SCIN: variants seen among roughly 807,000 people sequenced by gnomAD.
SCIN encodes scinderin.
Under a neutral mutation model 91.8 loss-of-function variants are expected in SCIN, and 91 were observed. The observed-to-expected ratio is 0.99, with a 90% confidence interval of 0.84 to 1.18. The LOEUF is 1.18. Among genes scored for constraint, SCIN ranks in the 50% most tolerant of loss-of-function variants. The pLI is 0.00. For synonymous variants in SCIN, 367 were observed against 312.6 expected, an observed-to-expected ratio of 1.17 and a Z score of -1.84; for missense variants, 1,087 against 863.9, an observed-to-expected ratio of 1.26 and a Z score of -3.24.
intron 4 of SCIN, among the ~76,000 whole-genome samples, chr7:12,618,683 T>C (rs1182080553): frequency 2.0e-5 from 3 of 152,138 alleles, no homozygotes; most frequent in Non-Finnish European, 2.9e-5. Flanking sequence ...TAAAATGCCT[T>C]GCAGCAAGTA....
chr7:12,604,449 A>G, intron 3 of SCIN, 65 bp from the exon 4 acceptor site: 1 of 1,422,038 alleles, frequency 7.0e-7, no homozygotes, highest in Non-Finnish European at 9.7e-7. Flanking sequence ...AATCACAAGT[A>G]TTACACTGAG....
At chr7:12,638,657 C>T (rs2115290934) in intron 10 of SCIN, among the ~76,000 whole-genome samples, 1 of 152,286 alleles carries the variant, frequency 6.6e-6, no homozygotes, top group South Asian at 2.1e-4. Flanking sequence ...TTAGACACTT[C>T]AGAACATAAA....
Position 12,652,667 on chromosome 7 carries a change from AC to A in SCIN, c.2103del (p.Thr702HisfsTer50), listed in dbSNP as rs769788695. Reference sequence around the variant, plus strand: ...TCATCATAAAACAGGGCCATGAGCCACCCACATTCACAGGCTGGTTCCTGGG... The same window carrying A: ...TCATCATAAAACAGGGCCATGAGCCACCACATTCACAGGCTGGTTCCTGGG... ...IVIIKQGHEP[P>X]TFTGWFLGWD... On this transcript the variant is annotated frameshift_variant, in exon 16 of 16. Coordinates refer to ENST00000297029, the MANE Select transcript of SCIN (RefSeq NM_001112706.3). LOFTEE classifies it high-confidence loss of function. The A allele has an allele frequency of 3.2e-5, 52 of 1,607,796 alleles. No homozygotes were observed. The Middle Eastern group carries it at 1.2e-3, about 36-fold the overall frequency.
chr7:12,577,726 C>T lies in SCIN; in HGVS notation c.200-338C>T, dbSNP rs184832863. The stretch of plus-strand genomic sequence containing the variant: ...TGAGAATTAGCAAAGCATGGTGGCA[C>T]GCACCTGTAGTCCAAGCTGCTTGTG... On this transcript the variant is annotated intron_variant, in intron 1 of 15. Transcript: ENST00000297029. 79 of 408,470 alleles carry T rather than the reference C, an allele frequency of 1.9e-4. 1 individual carries two copies. The East Asian group carries it at 4.0e-3, about 21-fold the overall frequency. 25.3% of individuals were successfully genotyped at this position (408,470 alleles called of 1,614,324 possible).
chr7:12,629,515 G>T (rs537076196), intron 9 of SCIN, among the ~76,000 whole-genome samples: 3 of 152,204 alleles, frequency 2.0e-5, no homozygotes, highest in South Asian at 2.1e-4. Context: ...CATCTTGTAT[G>T]CAGGTTAACA....
intron 1 of SCIN, among the ~76,000 whole-genome samples, chr7:12,574,603 T>A (rs1782332411): frequency 6.6e-6 from 1 of 152,136 alleles, no homozygotes; most frequent in South Asian, 2.1e-4. Context: ...CTGGTTGTGG[T>A]GTTCAGTGCT....
chr7:12,598,610 C>T (rs141314730), intron 3 of SCIN, among the ~76,000 whole-genome samples: 83 of 152,202 alleles, frequency 5.5e-4, no homozygotes, highest in African/African-American at 2.0e-3. Context: ...ACAGTGTTAT[C>T]GGCCTGGCAC....
chr7:12,622,952 C>T, intron 5 of SCIN, 59 bp downstream of exon 5: 1 of 1,255,470 alleles, frequency 8.0e-7, no homozygotes, highest in South Asian at 1.3e-5. Flanking sequence ...CTAGGGAGGC[C>T]TGTATTGGGC....
In SCIN at chr7:12,640,438, A is replaced by C. The variant is rs1303324098; in HGVS notation, c.1502A>C (p.Lys501Thr). Residue 501 changes from lysine to threonine, a missense_variant, in exon 11 of 16, where the codon AAA becomes ACA. Transcript: ENST00000297029. ...ATTTACAAGAATGGAACATCAAAGAAAGGAGGTCAGGCACCTGCTCCCCCT... is the reference window on the plus strand; with the variant it reads ...ATTTACAAGAATGGAACATCAAAGACAGGAGGTCAGGCACCTGCTCCCCCT... Reference protein sequence around the residue: ...LIIYKNGTSKKGGQAPAPPTR... With the variant: ...LIIYKNGTSKTGGQAPAPPTR... The C allele has an allele frequency of 6.2e-7, 1 of 1,613,246 alleles. No homozygotes were observed.
chr7:12,598,396 G>C lies in SCIN; in HGVS notation c.517-6118G>C, dbSNP rs148691075. On this transcript the variant is annotated intron_variant, in intron 3 of 15. Coordinates refer to ENST00000297029, the MANE Select transcript of SCIN (RefSeq NM_001112706.3). ...ACTACCTCTGAATAGAGTAAGTGTTGGGCCGCACAGTTTATTAATAAAACT... is the reference window on the plus strand; with the variant it reads ...ACTACCTCTGAATAGAGTAAGTGTTCGGCCGCACAGTTTATTAATAAAACT... 3.2e-4 allele frequency among the ~76,000 whole-genome samples: 48 copies of C among 152,056 alleles called. No individual in the cohort carries two copies. The East Asian group carries it at 8.9e-3, about 28-fold the overall frequency.
rs749365685 is a variant in SCIN, at chr7:12,625,867, A to C, written c.981+17A>C. On this transcript the variant is annotated intron_variant, in intron 7 of 15. Transcript: ENST00000297029. ...AATACCCAAGTATGTGTGAAACTGA[A>C]CTGGCTAGAAAAAAATAGAAAACAT... 1.9e-6 allele frequency: 3 copies of C among 1,558,264 alleles called. No individual in the cohort carries two copies. In the African/African-American group the frequency reaches 4.1e-5, roughly 21 times the overall value.
intron 4 of SCIN, among the ~76,000 whole-genome samples, chr7:12,614,910 C>G (rs1168466179): frequency 6.6e-6 from 1 of 152,176 alleles, no homozygotes; most frequent in Non-Finnish European, 1.5e-5. Context: ...CAAATGAACT[C>G]TAAGTTAGAT....
At chr7:12,600,017 T>A (rs1782925871) in intron 3 of SCIN, among the ~76,000 whole-genome samples, 1 of 152,190 alleles carries the variant, frequency 6.6e-6, no homozygotes, top group Non-Finnish European at 1.5e-5. Flanking sequence ...TTAGTTTAGT[T>A]AAGTCCTATC....
chr7:12,580,394 A>AT (rs890362875), intron 2 of SCIN, among the ~76,000 whole-genome samples: 1 of 151,856 alleles, frequency 6.6e-6, no homozygotes, highest in South Asian at 2.1e-4. Context: ...ATTTTATTTT[A>AT]TTTTTTTTGT....
chr7:12,636,733 G>A (rs1783760387), intron 10 of SCIN, among the ~76,000 whole-genome samples: 1 of 152,080 alleles, frequency 6.6e-6, no homozygotes, highest in Non-Finnish European at 1.5e-5. Context: ...TAGCTTTGAG[G>A]ATAGAAGGAA....
intron 4 of SCIN, among the ~76,000 whole-genome samples, chr7:12,618,698 T>C (rs1032874634): frequency 2.0e-5 from 3 of 152,132 alleles, no homozygotes; most frequent in African/African-American, 7.2e-5. Context: ...CAAGTAAATA[T>C]ACCATAACAA....
At chr7:12,593,238 CTAGACTGACAGA>C (rs1782764223) in intron 3 of SCIN, among the ~76,000 whole-genome samples, 1 of 152,158 alleles carries the variant, frequency 6.6e-6, no homozygotes, top group Non-Finnish European at 1.5e-5. Context: ...GGTACTATGG[CTAGACTGACAGA>C]TAGCCACTGC....
chr7:12,638,986 G>T, intron 10 of SCIN, among the ~76,000 whole-genome samples: 1 of 152,242 alleles, frequency 6.6e-6, no homozygotes, highest in Middle Eastern at 3.4e-3. Flanking sequence ...GAGTTACCAT[G>T]AATTGTTAGC....
intron 9 of SCIN, among the ~76,000 whole-genome samples, chr7:12,634,148 G>C (rs1034147324): frequency 3.9e-5 from 6 of 152,094 alleles, no homozygotes; most frequent in African/African-American, 1.4e-4. Flanking sequence ...ACAGTTTACT[G>C]TCAAAGTTTT....
Sources: allele counts gnomAD v4.1 joint callset (sites outside exome capture counted in the v4.1 genomes callset), GRCh38; gene constraint gnomAD v4.1.1; transcripts MANE v1.5; gene names NCBI Gene and HGNC (gene_info 2026-07-23, HGNC 2026-07-21).